Variants in OTOGL observed in about 807,000 individuals in gnomAD.
OTOGL encodes the protein otogelin like, also known as otogelin-like protein.
In OTOGL, 285 loss-of-function variants were observed where a neutral mutation model predicts 318.5. That is an observed-to-expected ratio of 0.89 (90% CI 0.81 to 0.99). OTOGL has a LOEUF of 0.99. OTOGL is among the 50% of genes least tolerant of loss of function. The pLI is 0.00. For missense variants in OTOGL, 2,899 were observed against 2,845.6 expected (o/e 1.02, Z -0.43); for synonymous variants, 987 against 936.5 (o/e 1.05, Z -0.99).
intron 1 of OTOGL, among the ~76,000 whole-genome samples, chr12:80,161,593 A>G (rs1288754559): frequency 1.3e-5 from 2 of 152,230 alleles, no homozygotes; most frequent in East Asian, 3.9e-4. Context: ...AATCTATAGT[A>G]TTTGGTAATT....
intron 1 of OTOGL, among the ~76,000 whole-genome samples, chr12:80,135,261 TCCCC>T (rs1871483793): frequency 8.5e-4 from 23 of 27,040 alleles, no homozygotes; most frequent in South Asian, 3.5e-3. Context: ...TCCCCTCCCC[TCCCC>T]TCCCCTCCCC....
chr12:80,377,202 T>C lies in OTOGL; in HGVS notation c.6861T>C (p.Pro2287=). 1 of 1,592,926 alleles carries C rather than the reference T, an allele frequency of 6.3e-7. No homozygotes were observed. Among genetic ancestry groups the C allele is most frequent in the Non-Finnish European group, 8.6e-7 (1 of 1,166,078 alleles). Residue 2287 remains proline (P), a splice_region_variant and synonymous_variant, in exon 58 of 59, where the codon CCT becomes CCC. Coordinates refer to ENST00000547103, the MANE Select transcript of OTOGL (RefSeq NM_001378609.3). The part of the protein sequence containing the change: ...IRKQDCMSQS[P]INVASCDGKC... ...AACAGGACTGTATGAGCCAAAGCCCTGTAAGTGGAAAAATGTCATTTGCTA... is the reference window on the plus strand; with the variant it reads ...AACAGGACTGTATGAGCCAAAGCCCCGTAAGTGGAAAAATGTCATTTGCTA...
At chr12:80,308,455 C>G (rs1309992061) in intron 29 of OTOGL, among the ~76,000 whole-genome samples, 2 of 151,716 alleles carry the variant, frequency 1.3e-5, no homozygotes, top group East Asian at 1.9e-4. Flanking sequence ...TGATGGCGGC[C>G]GGGAAGAGAC....
chr12:80,376,195 T>A (rs2138122589), intron 57 of OTOGL, among the ~76,000 whole-genome samples: 1 of 152,274 alleles, frequency 6.6e-6, no homozygotes, highest in Non-Finnish European at 1.5e-5. Flanking sequence ...ACAGTAACCC[T>A]TCAGTCAATC....
chr12:80,244,820 C>T lies in OTOGL; in HGVS notation c.1052+5381C>T, dbSNP rs1454944494. Among the ~76,000 whole-genome samples, 95 of 143,876 alleles carry T rather than the reference C, an allele frequency of 6.6e-4. 3 individuals are homozygous for T. Among genetic ancestry groups the T allele is most frequent in the African/African-American group, 1.7e-3 (59 of 35,724 alleles). The allele number at this position is 143,876 out of a possible 152,430, so 94.4% of individuals were successfully genotyped here. On this transcript the variant is annotated intron_variant, in intron 11 of 58. Transcript: ENST00000547103. ...TGTTCCTATTTCTCCACATCCTCTC[C>T]AGCACCTGTTGTTTCCTGACTTTTT...
chr12:80,244,336 A>C (rs1253926643), intron 11 of OTOGL, among the ~76,000 whole-genome samples: 4 of 87,896 alleles, frequency 4.6e-5, no homozygotes, highest in African/African-American at 1.8e-4. Context: ...CCACCCCACC[A>C]CAGTCCCCAG....
At chr12:80,348,315 A>G (rs999504832) in intron 44 of OTOGL, among the ~76,000 whole-genome samples, 3 of 152,144 alleles carry the variant, frequency 2.0e-5, no homozygotes, top group Middle Eastern at 3.4e-3. Context: ...TAAGGAGGGG[A>G]TCCAGTTTCA....
chr12:80,339,508 C>T (rs968281786), intron 43 of OTOGL, among the ~76,000 whole-genome samples: 16 of 151,720 alleles, frequency 1.1e-4, no homozygotes, highest in African/African-American at 2.9e-4. Context: ...GCTGTTACTA[C>T]GATGCTGTTT....
At chr12:80,135,299 G>A (rs1459479300) in intron 1 of OTOGL, among the ~76,000 whole-genome samples, 1 of 106,306 alleles carries the variant, frequency 9.4e-6, no homozygotes, top group Non-Finnish European at 1.8e-5. Context: ...CCTTGATGGA[G>A]TCTTGCTCTA....
At chr12:80,279,771 G>A (rs1432776709) in intron 26 of OTOGL, among the ~76,000 whole-genome samples, 2 of 151,542 alleles carry the variant, frequency 1.3e-5, no homozygotes, top group Admixed American at 6.6e-5. Context: ...GTGTCTTTAC[G>A]GTAGAATGAT....
intron 52 of OTOGL, among the ~76,000 whole-genome samples, chr12:80,366,108 A>C (rs961150990): frequency 6.6e-6 from 1 of 152,092 alleles, no homozygotes; most frequent in Non-Finnish European, 1.5e-5. Flanking sequence ...CCCATATTGC[A>C]GATAAGGGAA....
intron 36 of OTOGL, 34 bp from the exon 37 acceptor site, chr12:80,329,017 C>T: frequency 6.5e-7 from 1 of 1,539,442 alleles, no homozygotes; most frequent in South Asian, 1.2e-5. Context: ...TATGCAAATA[C>T]AGTTTTATAA....
chr12:80,252,032 A>G, intron 12 of OTOGL, 44 bp from the exon 13 acceptor site: 1 of 1,442,932 alleles, frequency 6.9e-7, no homozygotes, highest in Non-Finnish European at 9.2e-7. Context: ...AAAGAAATAG[A>G]GGCTAATAAA....
At chr12:80,225,043 C>T (rs1258573765) in intron 7 of OTOGL, among the ~76,000 whole-genome samples, 2 of 150,634 alleles carry the variant, frequency 1.3e-5, no homozygotes, top group African/African-American at 4.9e-5. Flanking sequence ...TATGTAACCA[C>T]AAAAATCAAA....
At chr12:80,259,480 G>C (rs1882346030) in intron 18 of OTOGL, among the ~76,000 whole-genome samples, 1 of 151,890 alleles carries the variant, frequency 6.6e-6, no homozygotes, top group Non-Finnish European at 1.5e-5. Context: ...CCGTCATCTA[G>C]GTTTTAAGCC....
At chr12:80,207,810 T>C (rs1357461673) in intron 1 of OTOGL, among the ~76,000 whole-genome samples, 4 of 152,356 alleles carry the variant, frequency 2.6e-5, no homozygotes, top group Middle Eastern at 6.8e-3. Context: ...TCTTTTAATT[T>C]ACTTTGTAGT....
chr12:80,347,805 T>A (rs967648094), intron 44 of OTOGL, among the ~76,000 whole-genome samples: 1 of 152,124 alleles, frequency 6.6e-6, no homozygotes, highest in Non-Finnish European at 1.5e-5. Context: ...TTTTAATGAT[T>A]GCCATTCTAA....
chr12:80,251,724 G>A lies in OTOGL; in HGVS notation c.1084G>A (p.Ala362Thr). ...TGATGATGAAACCTATTGCCGAGCA[G>A]CCACTGAGTATGCTAGAGCCTGCTC... ...TDDDETYCRA[A>T]TEYARACSHA... Residue 362 changes from alanine (A) to threonine (T), a missense_variant, in exon 12 of 59, where the codon GCC (alanine) becomes ACC (threonine). Coordinates refer to ENST00000547103, the MANE Select transcript of OTOGL (RefSeq NM_001378609.3). The A allele has an allele frequency of 1.3e-6, 2 of 1,594,902 alleles. No individual in the cohort carries two copies. Among genetic ancestry groups the A allele is most frequent in the South Asian group, 1.1e-5 (1 of 87,470 alleles).
intron 1 of OTOGL, among the ~76,000 whole-genome samples, chr12:80,160,220 T>A (rs960699598): frequency 1.3e-5 from 2 of 151,878 alleles, no homozygotes; most frequent in Non-Finnish European, 3.0e-5. Context: ...CCAAAGCAAA[T>A]GCAACAAAAG....
Sources: allele counts gnomAD v4.1 joint callset (sites outside exome capture counted in the v4.1 genomes callset), GRCh38; gene constraint gnomAD v4.1.1; transcripts MANE v1.5; gene names NCBI Gene and HGNC (gene_info 2026-07-23, HGNC 2026-07-21).